The following USP53 variants were observed in gnomAD, a reference collection of about 807,000 sequenced individuals.
USP53 encodes ubiquitin carboxyl-terminal hydrolase 53.
In USP53, 71 loss-of-function variants were observed where a neutral mutation model predicts 94.9. The observed-to-expected ratio is 0.75, with a 90% CI of 0.62 to 0.91. USP53 has a LOEUF of 0.91. Ranked by LOEUF, USP53 falls within the 40% of genes least tolerant of loss-of-function variation. USP53 has a pLI of 0.00. For missense variants in USP53, 1,173 were observed against 1,281.0 expected (o/e 0.92, Z 1.29); for synonymous variants, 375 against 422.7 (o/e 0.89, Z 1.39).
At chr4:119,280,511 A>G (rs999879517) in intron 17 of USP53, among the ~76,000 whole-genome samples, 3 of 152,162 alleles carry the variant, frequency 2.0e-5, no homozygotes, top group African/African-American at 7.2e-5. Context: ...AAATAGGCAT[A>G]AAAAGAGAAT....
At chr4:119,278,279 C>G (rs1414383344) in intron 17 of USP53, among the ~76,000 whole-genome samples, 1 of 151,448 alleles carries the variant, frequency 6.6e-6, no homozygotes, top group Non-Finnish European at 1.5e-5. Flanking sequence ...TTCAGGAGCT[C>G]TTTTAGGGCA....
chr4:119,222,916 T>G (rs1429987185), intron 3 of USP53, among the ~76,000 whole-genome samples: 1 of 152,192 alleles, frequency 6.6e-6, no homozygotes, highest in East Asian at 1.9e-4. Context: ...TTTTTATGAT[T>G]TAAATCATTT....
intron 17 of USP53, among the ~76,000 whole-genome samples, chr4:119,277,834 T>G (rs59906076): frequency 0.14 from 10,995 of 76,002 alleles, 336 homozygotes; most frequent in Non-Finnish European, 0.19. Context: ...TTGTTGAATT[T>G]ATCCCTTTAC....
chr4:119,253,974 G>T (rs189632641), intron 7 of USP53, among the ~76,000 whole-genome samples: 1,748 of 152,150 alleles, frequency 0.011, 29 homozygotes, highest in African/African-American at 0.04. Flanking sequence ...CCTTCACTTA[G>T]GAAGCTTAGT....
At chr4:119,259,634 T>C (rs965151160) in intron 9 of USP53, among the ~76,000 whole-genome samples, 186 bp from the exon 10 acceptor site, 1 of 152,208 alleles carries the variant, frequency 6.6e-6, no homozygotes, top group African/African-American at 2.4e-5. Context: ...ATTTTTTTCA[T>C]TATATACTTG....
At chr4:119,238,100 G>A (rs1747025529) in intron 4 of USP53, among the ~76,000 whole-genome samples, 1 of 152,180 alleles carries the variant, frequency 6.6e-6, no homozygotes, top group Admixed American at 6.5e-5. Context: ...GTGTTTATTT[G>A]AGTAACACTT....
chr4:119,216,581 C>T (rs1394964137), intron 2 of USP53, among the ~76,000 whole-genome samples: 1 of 152,090 alleles, frequency 6.6e-6, no homozygotes, highest in African/African-American at 2.4e-5. Flanking sequence ...ATATTTACAA[C>T]AATTCTGTGG....
chr4:119,251,876 A>G (rs1176804600), intron 7 of USP53, among the ~76,000 whole-genome samples: 1 of 152,188 alleles, frequency 6.6e-6, no homozygotes, highest in African/African-American at 2.4e-5. Context: ...AGTTTGTCAT[A>G]AATCTCTCTT....
chr4:119,254,168 A>G (rs1383963206), intron 7 of USP53, among the ~76,000 whole-genome samples: 2 of 152,044 alleles, frequency 1.3e-5, no homozygotes, highest in Admixed American at 6.5e-5. Context: ...CTGCATTTCA[A>G]TCTTGGTGAA....
intron 14 of USP53, 113 bp from the exon 15 acceptor site, chr4:119,269,578 A>G (rs1239387421): frequency 5.9e-6 from 4 of 676,852 alleles, no homozygotes; most frequent in Admixed American, 7.9e-5. Flanking sequence ...ATATATCTAC[A>G]TATCTATGCT....
intron 9 of USP53, among the ~76,000 whole-genome samples, chr4:119,259,148 G>A (rs1448630940): frequency 6.6e-6 from 1 of 152,066 alleles, no homozygotes; most frequent in Non-Finnish European, 1.5e-5. Flanking sequence ...AGATGTGGTG[G>A]CACGTGCCTG....
intron 17 of USP53, among the ~76,000 whole-genome samples, chr4:119,284,684 A>C (rs1753882933): frequency 6.6e-6 from 1 of 151,938 alleles, no homozygotes; most frequent in African/African-American, 2.4e-5. Flanking sequence ...ACAGTAGACT[A>C]ATGGTTGCAC....
intron 14 of USP53, among the ~76,000 whole-genome samples, 167 bp downstream of exon 14, chr4:119,268,587 C>T (rs1578522684): frequency 6.6e-6 from 1 of 152,192 alleles, no homozygotes; most frequent in Admixed American, 6.5e-5. Context: ...TGTAGTTTTA[C>T]CTGACCAGTT....
intron 12 of USP53, among the ~76,000 whole-genome samples, chr4:119,266,577 T>C (rs962019517): frequency 6.6e-6 from 1 of 152,242 alleles, no homozygotes; most frequent in Admixed American, 6.5e-5. Flanking sequence ...ATGTGCTTGT[T>C]TGACCATTCT....
chr4:119,252,917 G>A (rs115645572), intron 7 of USP53, among the ~76,000 whole-genome samples: 1,688 of 152,200 alleles, frequency 0.011, 27 homozygotes, highest in African/African-American at 0.038. Flanking sequence ...GTGTCCCAGA[G>A]ATTTGGGTAC....
intron 12 of USP53, among the ~76,000 whole-genome samples, chr4:119,263,793 T>C (rs35643470): frequency 0.3 from 44,885 of 151,986 alleles, 6,757 homozygotes; most frequent in East Asian, 0.39. Context: ...AAGGCCGGGC[T>C]GGTCACGGGG....
At chr4:119,279,826 C>T (rs551982156) in intron 17 of USP53, among the ~76,000 whole-genome samples, 12 of 152,260 alleles carry the variant, frequency 7.9e-5, no homozygotes, top group Admixed American at 2.0e-4. Flanking sequence ...TAAGCCGGTC[C>T]GAAAAGCGCA....
chr4:119,287,419 T>G (rs1473130948), intron 17 of USP53, among the ~76,000 whole-genome samples: 1 of 152,128 alleles, frequency 6.6e-6, no homozygotes, highest in Non-Finnish European at 1.5e-5. Context: ...TTCCAAGATT[T>G]AACTTGCAGA....
chr4:119,293,830 A>T lies in USP53; in HGVS notation c.*619A>T, dbSNP rs995955800. The T allele has an allele frequency of 4.2e-4, 4 of 9,488 alleles. No individual in the cohort carries two copies. The highest frequency in any genetic ancestry group is 6.2e-4 in the African/African-American group (2 of 3,214). 0.6% of individuals were successfully genotyped at this position (9,488 alleles called of 1,614,324 possible). A position where few individuals can be genotyped will look rare whatever the true frequency, so the allele number is the denominator to read the frequency against. ...CATATGATCCCTTTAAGTGTCTTTA[A>T]AAAAAATGACTTATGAATTTGATAG... On this transcript the variant is annotated 3_prime_UTR_variant, in exon 19 of 19. Coordinates refer to ENST00000692078, the MANE Select transcript of USP53 (RefSeq NM_001371395.1).
Sources: gnomAD v4.1 joint callset for allele counts (sites outside exome capture counted in the v4.1 genomes callset) on GRCh38, gnomAD v4.1.1 for gene constraint, MANE v1.5 for transcripts, NCBI Gene and HGNC (gene_info 2026-07-23, HGNC 2026-07-21) for gene names.